The following PCGF5 variants were observed in gnomAD, a reference collection of about 807,000 sequenced individuals.
PCGF5 encodes the protein polycomb group RING finger protein 5.
A neutral mutation model predicts 44.3 loss-of-function variants in PCGF5; 9 were observed. That is an observed-to-expected ratio of 0.20 (90% CI 0.12 to 0.35). The LOEUF (loss-of-function observed/expected upper bound fraction) is 0.35, where lower values mean the gene tolerates loss of function less well. Among genes scored for constraint, PCGF5 ranks in the 10% least tolerant of loss-of-function variants. The pLI, the probability that PCGF5 is intolerant of heterozygous loss-of-function variation, is 1.00. For synonymous variants in PCGF5, 95 were observed against 102.5 expected, an observed-to-expected ratio of 0.93 and a Z score of 0.44; for missense variants, 146 against 305.3, an observed-to-expected ratio of 0.48 and a Z score of 3.89.
At chr10:91,216,909 G>A (rs1407323348), upstream of PCGF5, among the ~76,000 whole-genome samples, 1 of 152,110 alleles carries the variant, frequency 6.6e-6, no homozygotes, top group Non-Finnish European at 1.5e-5. Context: ...ATGTTCAATT[G>A]TAATATTTTC....
chr10:91,163,009 C>G (rs1483669462), upstream of PCGF5: 2 of 146,370 alleles, frequency 1.4e-5, no homozygotes, highest in Non-Finnish European at 3.0e-5. Flanking sequence ...CCTCACCTAC[C>G]GCCCCACGCG....
At chr10:91,255,363 C>T (rs1172416530) in intron 6 of PCGF5, among the ~76,000 whole-genome samples, 1 of 151,998 alleles carries the variant, frequency 6.6e-6, no homozygotes, top group South Asian at 2.1e-4. Flanking sequence ...TAGAGGGCCA[C>T]GTGCATATGT....
At chr10:91,259,567 G>C (rs12249713) in intron 6 of PCGF5, among the ~76,000 whole-genome samples, 19,888 of 152,062 alleles carry the variant, frequency 0.13, 2,452 homozygotes, top group African/African-American at 0.32. Context: ...TGACTTCAAA[G>C]TATTCTACAA....
chr10:91,226,063 A>G (rs1227773871), intron 2 of PCGF5, among the ~76,000 whole-genome samples: 1 of 152,090 alleles, frequency 6.6e-6, no homozygotes, highest in African/African-American at 2.4e-5. Context: ...TATCTTACTT[A>G]TTTTATACAA....
At chr10:91,187,123 A>G (rs1427944495) in intron 1 of PCGF5, among the ~76,000 whole-genome samples, 1 of 152,124 alleles carries the variant, frequency 6.6e-6, no homozygotes, top group Non-Finnish European at 1.5e-5. Flanking sequence ...GTAGTTCTCA[A>G]CCCTGGTTTC....
upstream of PCGF5, among the ~76,000 whole-genome samples, chr10:91,159,339 C>T (rs1189952942): frequency 6.6e-6 from 1 of 152,158 alleles, no homozygotes; most frequent in African/African-American, 2.4e-5. Context: ...TGGCTCCCCT[C>T]AAATTCATAT....
chr10:91,211,217 A>G (rs753723085), intron 1 of PCGF5, among the ~76,000 whole-genome samples: 4 of 152,256 alleles, frequency 2.6e-5, no homozygotes, highest in Non-Finnish European at 5.9e-5. Flanking sequence ...ATGCACATGT[A>G]TACAATACTG....
intron 7 of PCGF5, among the ~76,000 whole-genome samples, chr10:91,263,227 G>A (rs1845968482): frequency 6.6e-6 from 1 of 152,140 alleles, no homozygotes. Context: ...GTTGTTAAAC[G>A]ACATTAACAG....
chr10:91,230,522 A>C (rs774285390), intron 2 of PCGF5, among the ~76,000 whole-genome samples: 1 of 152,212 alleles, frequency 6.6e-6, no homozygotes, highest in Non-Finnish European at 1.5e-5. Flanking sequence ...GTATTCATAT[A>C]TACATATATG....
intron 1 of PCGF5, among the ~76,000 whole-genome samples, chr10:91,193,915 G>A (rs12416484): frequency 0.21 from 32,050 of 151,960 alleles, 3,756 homozygotes; most frequent in East Asian, 0.49. Flanking sequence ...TGTTAAAGAC[G>A]AAGTCCATTT....
chr10:91,188,721 T>A (rs10881900), intron 1 of PCGF5, among the ~76,000 whole-genome samples: 17 of 151,876 alleles, frequency 1.1e-4, no homozygotes, highest in Admixed American at 2.0e-4. Context: ...CAGAGTCCTC[T>A]GTTATGGAGG....
chr10:91,271,626 TCTC>T lies in PCGF5; in HGVS notation c.664-7_664-5del. 6.2e-7 allele frequency: 1 copy of T among 1,612,820 alleles called. No individual in the cohort carries two copies. The highest frequency in any genetic ancestry group is 8.5e-7 in the Non-Finnish European group (1 of 1,178,958). On this transcript the variant is annotated splice_polypyrimidine_tract_variant and intron_variant, in intron 8 of 9. Coordinates refer to ENST00000336126, the MANE Select transcript of PCGF5 (RefSeq NM_032373.5). ...GGATGCCTCTTATCTGATGAGTTCA[TCTC>T]CTCCGCAGTTTCGGTGTCTGAACTG... is the stretch of plus-strand genomic sequence containing the variant.
intron 1 of PCGF5, among the ~76,000 whole-genome samples, chr10:91,187,880 T>A (rs1473531614): frequency 6.6e-6 from 1 of 152,176 alleles, no homozygotes; most frequent in African/African-American, 2.4e-5. Context: ...CTAAGTGACT[T>A]GACATCTTGA....
intron 1 of PCGF5, among the ~76,000 whole-genome samples, chr10:91,209,930 A>C (rs538689605): frequency 1.3e-5 from 2 of 152,324 alleles, no homozygotes; most frequent in African/African-American, 4.8e-5. Context: ...AATGAGATTG[A>C]CATGTGGAAA....
chr10:91,244,881 A>G (rs535478363), intron 3 of PCGF5, among the ~76,000 whole-genome samples: 1 of 152,058 alleles, frequency 6.6e-6, no homozygotes, highest in Admixed American at 6.5e-5. Flanking sequence ...GTAGATCAGG[A>G]CTTCAATTGT....
intron 1 of PCGF5, among the ~76,000 whole-genome samples, chr10:91,193,711 G>C (rs1844076772): frequency 6.6e-6 from 1 of 152,102 alleles, no homozygotes; most frequent in Non-Finnish European, 1.5e-5. Flanking sequence ...AATATAATTT[G>C]ATGTAATTTT....
chr10:91,241,507 A>G (rs1211398499), intron 3 of PCGF5, among the ~76,000 whole-genome samples: 1 of 152,152 alleles, frequency 6.6e-6, no homozygotes, highest in Non-Finnish European at 1.5e-5. Flanking sequence ...TCCCAGCTAC[A>G]GGCCGTATGT....
chr10:91,185,657 T>C (rs552926350), intron 1 of PCGF5, among the ~76,000 whole-genome samples: 24 of 152,332 alleles, frequency 1.6e-4, no homozygotes, highest in Non-Finnish European at 2.8e-4. Context: ...TATGCCTGAG[T>C]GGCTGCTCTG....
upstream of PCGF5, among the ~76,000 whole-genome samples, chr10:91,215,497 A>G (rs796953019): frequency 1.1e-4 from 16 of 152,374 alleles, no homozygotes; most frequent in African/African-American, 3.8e-4. Context: ...GGAGGCTGTC[A>G]GGTCTGATCT....
Sources: allele counts gnomAD v4.1 joint callset (sites outside exome capture counted in the v4.1 genomes callset), GRCh38; gene constraint gnomAD v4.1.1; transcripts MANE v1.5; gene names NCBI Gene and HGNC (gene_info 2026-07-23, HGNC 2026-07-21).